The following ATCAY variants were observed in gnomAD, a reference collection of about 807,000 sequenced individuals.
ATCAY encodes the protein ATCAY kinesin light chain interacting caytaxin, also known as caytaxin.
In ATCAY, 22 loss-of-function variants were observed where a neutral mutation model predicts 47.7. That is an observed-to-expected ratio of 0.46 (90% confidence interval 0.33 to 0.66). The LOEUF is 0.66. ATCAY is among the 30% of genes least tolerant of loss of function. The probability of loss-of-function intolerance (pLI) is 0.02; values close to 1 mark genes in which losing one functional copy is unlikely to be tolerated. For missense variants in ATCAY, 452 were observed against 515.0 expected, an observed-to-expected ratio of 0.88 and a Z score of 1.18; for synonymous variants, 216 against 207.6, an observed-to-expected ratio of 1.04 and a Z score of -0.35.
At chr19:3,915,337 T>C (rs2038957832) in intron 9 of ATCAY, among the ~76,000 whole-genome samples, 2 of 46,640 alleles carry the variant, frequency 4.3e-5, no homozygotes, top group African/African-American at 1.1e-4. Flanking sequence ...CATGCCTGGC[T>C]AATTTTTTTT....
chr19:3,908,687 CTT>C (rs2038889868), intron 6 of ATCAY, among the ~76,000 whole-genome samples: 1 of 67,798 alleles, frequency 1.5e-5, no homozygotes, highest in Non-Finnish European at 3.3e-5. Context: ...TCCTCCCCTT[CTT>C]CCTCCCCCCT....
At chr19:3,890,740 C>T (rs2038711113) in intron 2 of ATCAY, among the ~76,000 whole-genome samples, 1 of 152,204 alleles carries the variant, frequency 6.6e-6, no homozygotes, top group African/African-American at 2.4e-5. Flanking sequence ...TCTCGCCCAC[C>T]CGCTGCAGCA....
chr19:3,910,762 G>T (rs373667210), intron 7 of ATCAY, 41 bp from the exon 8 acceptor site: 1 of 1,605,040 alleles, frequency 6.2e-7, no homozygotes, highest in South Asian at 1.1e-5. Context: ...CCCAGGGCTC[G>T]CCCCAGGAGC....
rs994883467 is a variant in ATCAY, at chr19:3,927,417, C to T, written c.*2825C>T. 1 of 152,198 alleles carries T rather than the reference C, an allele frequency of 6.6e-6. No homozygotes were observed. Among genetic ancestry groups the T allele is most frequent in the African/African-American group, 2.4e-5 (1 of 41,422 alleles). The allele number at this position is 152,198 out of a possible 1,614,324, so 9.4% of individuals were successfully genotyped here. On this transcript the variant is annotated 3_prime_UTR_variant, in exon 13 of 13. Coordinates refer to ENST00000450849, the MANE Select transcript of ATCAY (RefSeq NM_033064.5). ...CGTCATGGAAGACTGGGGCCGCTTC[C>T]AAGTCACAGACAGGAGACGGGGACA...
In ATCAY at chr19:3,918,793, T is replaced by G. The variant is rs1056594464; in HGVS notation, c.1002-13T>G. Reference sequence around the variant, plus strand: ...GCTAGTCACCCTTGTCACCTCGTTCTCTCTGTCCACAGCGCGAGGCCCCAG... The same window carrying G: ...GCTAGTCACCCTTGTCACCTCGTTCGCTCTGTCCACAGCGCGAGGCCCCAG... On this transcript the variant is annotated splice_polypyrimidine_tract_variant and intron_variant, in intron 10 of 12. Coordinates refer to ENST00000450849, the MANE Select transcript of ATCAY (RefSeq NM_033064.5). 6.2e-7 allele frequency: 1 copy of G among 1,613,882 alleles called. No homozygotes were observed. The highest frequency in any genetic ancestry group is 8.5e-7 in the Non-Finnish European group (1 of 1,179,812).
At chr19:3,920,644 A>G in intron 11 of ATCAY, 122 bp from the exon 12 acceptor site, 1 of 827,376 alleles carries the variant, frequency 1.2e-6, no homozygotes, top group Non-Finnish European at 1.6e-6. Context: ...CACCCAGCCA[A>G]GACCCTGTAT....
intron 12 of ATCAY, among the ~76,000 whole-genome samples, chr19:3,922,570 A>T (rs1348916426): frequency 6.6e-6 from 1 of 152,212 alleles, no homozygotes; most frequent in Non-Finnish European, 1.5e-5. Flanking sequence ...GTGGGGACAC[A>T]GCCCAACCAT....
In ATCAY at chr19:3,885,811, T is replaced by C; in HGVS notation, c.44T>C (p.Val15Ala). 1.3e-6 allele frequency: 2 copies of C among 1,552,236 alleles called. No individual in the cohort carries two copies. The highest frequency in any genetic ancestry group is 1.7e-6 in the Non-Finnish European group (2 of 1,147,702). The change falls in exon 2 of 13, where the codon GTG becomes GCG. Residue 15 changes from valine to alanine, a missense_variant. By Grantham distance (64) the Val-to-Ala change is moderately conservative. Transcript: ENST00000450849. The stretch of plus-strand genomic sequence containing the variant: ...ACGCTCCGGATGGAAAACGTGGACG[T>C]GAAGGAGGAATGGCAGGACGAAGAT... Reference protein sequence around the residue: ...EATLRMENVDVKEEWQDEDLP... With the variant: ...EATLRMENVDAKEEWQDEDLP...
chr19:3,881,325 C>T (rs940186418), intron 1 of ATCAY, among the ~76,000 whole-genome samples: 21 of 150,428 alleles, frequency 1.4e-4, no homozygotes, highest in African/African-American at 4.9e-4. Flanking sequence ...ATAGACCCAT[C>T]CTAGCCCTAT....
At chr19:3,909,430 G>T in intron 6 of ATCAY, 56 bp from the exon 7 acceptor site, 2 of 1,580,930 alleles carry the variant, frequency 1.3e-6, no homozygotes, top group Non-Finnish European at 1.7e-6. Context: ...CACCGCAGGT[G>T]TCCTGACCCT....
At chr19:3,881,847 C>T (rs2038602493) in intron 1 of ATCAY, among the ~76,000 whole-genome samples, 1 of 149,220 alleles carries the variant, frequency 6.7e-6, no homozygotes. Context: ...CGGGAAGGGC[C>T]TGGCTGGCTG....
chr19:3,921,716 G>A (rs2039021343), intron 12 of ATCAY, among the ~76,000 whole-genome samples: 1 of 152,072 alleles, frequency 6.6e-6, no homozygotes, highest in Non-Finnish European at 1.5e-5. Flanking sequence ...TGGCCAATAT[G>A]GTGAAACCCC....
At chr19:3,906,229 AG>A (rs1401984053) in intron 4 of ATCAY, among the ~76,000 whole-genome samples, 1 of 151,692 alleles carries the variant, frequency 6.6e-6, no homozygotes, top group Non-Finnish European at 1.5e-5. Flanking sequence ...ACAGTTAGAC[AG>A]AAGGAATAAG....
intron 12 of ATCAY, 146 bp from the exon 13 acceptor site, chr19:3,924,437 G>A (rs1041291499): frequency 4.3e-6 from 4 of 931,020 alleles, no homozygotes; most frequent in Non-Finnish European, 6.8e-6. Flanking sequence ...GCAGGAGCCG[G>A]GCCCTGAAGG....
chr19:3,924,483 G>A (rs935523177), intron 12 of ATCAY, 100 bp from the exon 13 acceptor site: 47 of 1,433,690 alleles, frequency 3.3e-5, no homozygotes, highest in Middle Eastern at 1.7e-4. Flanking sequence ...GTTCACCCAC[G>A]CTGGGTGGGA....
chr19:3,917,614 A>G (rs2038977851), intron 9 of ATCAY, 128 bp from the exon 10 acceptor site: 1 of 705,440 alleles, frequency 1.4e-6, no homozygotes, highest in Non-Finnish European at 2.2e-6. Flanking sequence ...AAAAAAAGGA[A>G]GAAGAAGAAG....
At chr19:3,892,734 C>T (rs556843944) in intron 2 of ATCAY, among the ~76,000 whole-genome samples, 3 of 152,060 alleles carry the variant, frequency 2.0e-5, no homozygotes, top group African/African-American at 4.8e-5. Context: ...ATGGTGAAAC[C>T]CCGTCTCTAC....
chr19:3,921,249 G>A (rs560328424), intron 12 of ATCAY, among the ~76,000 whole-genome samples: 9 of 151,810 alleles, frequency 5.9e-5, no homozygotes, highest in African/African-American at 1.7e-4. Flanking sequence ...AGCGTCTCAC[G>A]CCTGTAATCC....
At chr19:3,888,352 G>A (rs781505386) in intron 2 of ATCAY, among the ~76,000 whole-genome samples, 3 of 152,116 alleles carry the variant, frequency 2.0e-5, no homozygotes, top group Non-Finnish European at 4.4e-5. Flanking sequence ...TCTCCAGGCC[G>A]CGCACAGTGG....
Sources: allele counts gnomAD v4.1 joint callset (sites outside exome capture counted in the v4.1 genomes callset), GRCh38; gene constraint gnomAD v4.1.1; transcripts MANE v1.5; gene names NCBI Gene and HGNC (gene_info 2026-07-23, HGNC 2026-07-21).